The following NCAPH2 variants were observed in gnomAD, a reference collection of about 807,000 sequenced individuals.
NCAPH2 encodes non-SMC condensin II complex subunit H2.
A neutral mutation model predicts 88.6 loss-of-function variants in NCAPH2; 56 were observed. The observed-to-expected ratio is 0.63, with a 90% CI of 0.51 to 0.79. The LOEUF (loss-of-function observed/expected upper bound fraction) is 0.79. NCAPH2 is among the 30% of genes least tolerant of loss of function. The pLI, the probability that NCAPH2 is intolerant of heterozygous loss-of-function variation, is 0.00. For synonymous variants in NCAPH2, 378 were observed against 313.6 expected, an observed-to-expected ratio of 1.21 and a Z score of -2.17; for missense variants, 794 against 792.0, an observed-to-expected ratio of 1.00 and a Z score of -0.03.
chr22:50,516,522 G>C lies in NCAPH2; in HGVS notation c.184G>C (p.Gly62Arg), dbSNP rs1164810423. ...NFIEAALLIQ[G>R]SACVYSKKVE... Reference sequence around the variant, plus strand: ...CATTGAGGCAGCGTTGTTGATCCAGGGCTCTGCCTGCGTCTACAGTAAGAA... The same window carrying C: ...CATTGAGGCAGCGTTGTTGATCCAGCGCTCTGCCTGCGTCTACAGTAAGAA... Residue 62 changes from glycine (G) to arginine (R), a missense_variant, in exon 2 of 20, where the codon GGC (glycine) becomes CGC (arginine). This residue lies in a region of NCAPH2 where 59 missense variants were observed against 95.7 expected (regional missense o/e 0.62). Coordinates refer to ENST00000420993, the MANE Select transcript of NCAPH2 (RefSeq NM_152299.4). 8 of 1,614,068 alleles carry C rather than the reference G, an allele frequency of 5.0e-6. No homozygotes were observed. The highest frequency in any genetic ancestry group is 6.8e-6 in the Non-Finnish European group (8 of 1,180,042).
At chr22:50,509,899 C>T (rs528796074) in intron 1 of NCAPH2, among the ~76,000 whole-genome samples, 2 of 151,806 alleles carry the variant, frequency 1.3e-5, no homozygotes, top group African/African-American at 2.4e-5. Context: ...GCTTTCTGCC[C>T]CCACTTGGGA....
intron 1 of NCAPH2, among the ~76,000 whole-genome samples, chr22:50,514,747 T>C (rs1001315003): frequency 6.6e-6 from 1 of 152,194 alleles, no homozygotes; most frequent in Non-Finnish European, 1.5e-5. Context: ...TGCTGCTGTT[T>C]CCTCTCCCTT....
chr22:50,518,547 T>C, intron 7 of NCAPH2, 102 bp from the exon 8 acceptor site: 1 of 1,246,612 alleles, frequency 8.0e-7, no homozygotes, highest in East Asian at 2.6e-5. Flanking sequence ...TCTGCTGGTC[T>C]CTGCCCTCCT....
chr22:50,514,038 CGGA>C (rs2068853737), intron 1 of NCAPH2, among the ~76,000 whole-genome samples: 2 of 152,082 alleles, frequency 1.3e-5, no homozygotes, highest in Non-Finnish European at 2.9e-5. Flanking sequence ...ACCCAGGAGG[CGGA>C]GGTTGCAGTG....
In NCAPH2 at chr22:50,518,018, G is replaced by C. The variant is rs1172915853; in HGVS notation, c.466G>C (p.Asp156His). ...CCTGCCCATGGCCCTGGTGGCCCCT[G>C]ATGAAATGGAGAAGAACAACAATCC... ...PLLPMALVAPDEMEKNNNPLY... is the reference protein window; with the variant it reads ...PLLPMALVAPHEMEKNNNPLY... The change falls in exon 6 of 20, where the codon GAT becomes CAT. Residue 156 changes from aspartate (D) to histidine (H), a missense_variant. Asp to His is a moderately conservative substitution (Grantham distance 81). Around this residue, in one of 2 missense-constraint regions of NCAPH2, gnomAD observed 735 missense variants for 696.3 expected, o/e 1.06. Transcript: ENST00000420993. 6.2e-7 allele frequency: 1 copy of C among 1,613,912 alleles called. No homozygotes were observed.
Position 50,522,189 on chromosome 22 carries a change from G to A in NCAPH2, c.1171G>A (p.Val391Ile), listed in dbSNP as rs1393489709. 1.2e-6 allele frequency: 2 copies of A among 1,613,692 alleles called. No homozygotes were observed. The highest frequency in any genetic ancestry group is 1.7e-6 in the Non-Finnish European group (2 of 1,179,896). ...AAGGCCTTTGTCTGCAGACATGGAGGTCCTGTACTGGACACACGTGAAGGA... is the reference window on the plus strand; with the variant it reads ...AAGGCCTTTGTCTGCAGACATGGAGATCCTGTACTGGACACACGTGAAGGA... ...RKGPSFADME[V>I]LYWTHVKEQL... The change falls in exon 14 of 20, where the codon GTC becomes ATC. Residue 391 changes from valine (V) to isoleucine (I), a missense_variant. Val to Ile is a conservative substitution (Grantham distance 29). Coordinates refer to ENST00000420993, the MANE Select transcript of NCAPH2 (RefSeq NM_152299.4).
At chr22:50,519,087 C>T (rs2069008827) in intron 8 of NCAPH2, 103 bp from the exon 9 acceptor site, 4 of 1,161,862 alleles carry the variant, frequency 3.4e-6, no homozygotes, top group African/African-American at 1.6e-5. Flanking sequence ...ATCCTCTGGG[C>T]TCCGTGACTA....
intron 13 of NCAPH2, 61 bp downstream of exon 13, chr22:50,522,100 C>G: frequency 1.9e-6 from 3 of 1,612,906 alleles, no homozygotes; most frequent in Non-Finnish European, 1.7e-6. Flanking sequence ...CTTCCCCCAC[C>G]TGGTGTCACC....
chr22:50,511,699 G>A (rs1381136877), intron 1 of NCAPH2, among the ~76,000 whole-genome samples: 1 of 145,766 alleles, frequency 6.9e-6, no homozygotes, highest in African/African-American at 2.7e-5. Context: ...AAGTTGGAGT[G>A]CAGTGGCACA....
Position 50,524,017 on chromosome 22 carries a change from T to C in NCAPH2, c.*642T>C, listed in dbSNP as rs143676681. ...CTCGTCTGGGCAGATGTCAGGGCAG[T>C]GAGTGAAGCCAAAGTACATCAGCAC... On this transcript the variant is annotated 3_prime_UTR_variant, in exon 20 of 20. Coordinates refer to ENST00000420993, the MANE Select transcript of NCAPH2 (RefSeq NM_152299.4). 6.2e-7 allele frequency: 1 copy of C among 1,613,320 alleles called. No homozygotes were observed. The highest frequency in any genetic ancestry group is 8.5e-7 in the Non-Finnish European group (1 of 1,179,998).
chr22:50,521,717 AAGAC>A lies in NCAPH2; in HGVS notation c.1001-21_1001-18del. 1.2e-6 allele frequency: 2 copies of A among 1,613,424 alleles called. No individual in the cohort carries two copies. The highest frequency in any genetic ancestry group is 2.2e-5 in the East Asian group (1 of 44,878). On this transcript the variant is annotated intron_variant, in intron 11 of 19. Transcript: ENST00000420993. ...TGCACCCTGATCCCCCAGCGGCTCT[AAGAC>A]AGTCCCTGTTTGCCCCCAGGTAGGC... is the stretch of plus-strand genomic sequence containing the variant.
chr22:50,518,542 T>G, intron 7 of NCAPH2, 107 bp from the exon 8 acceptor site: 2 of 1,210,816 alleles, frequency 1.7e-6, no homozygotes, highest in Non-Finnish European at 2.3e-6. Context: ...TGGAGTCTGC[T>G]GGTCTCTGCC....
Position 50,517,500 on chromosome 22 carries a change from T to C in NCAPH2, c.266+18T>C. On this transcript the variant is annotated intron_variant, in intron 3 of 19. Coordinates refer to ENST00000420993, the MANE Select transcript of NCAPH2 (RefSeq NM_152299.4). ...GGAAAGAGGTGAGTTCTGCAGCCAC[T>C]CACTGTGCTGCCCTGCATGTGGCCA... is the stretch of plus-strand genomic sequence containing the variant. 1 of 1,614,004 alleles carries C rather than the reference T, an allele frequency of 6.2e-7. No individual in the cohort carries two copies. Among genetic ancestry groups the C allele is most frequent in the South Asian group, 1.1e-5 (1 of 91,080 alleles).
At position 50,524,194 on chromosome 22, in the gene NCAPH2, C is replaced by G. The variant is rs1038205427; in HGVS notation, c.*819C>G. On this transcript the variant is annotated 3_prime_UTR_variant, in exon 20 of 20. Coordinates refer to ENST00000420993, the MANE Select transcript of NCAPH2 (RefSeq NM_152299.4). ...CTCAGCCCTCAGGGCCAGCCAGGCCCCACCGAGTCCAGCCCCGAACAGGCC... is the reference window on the plus strand; with the variant it reads ...CTCAGCCCTCAGGGCCAGCCAGGCCGCACCGAGTCCAGCCCCGAACAGGCC... 6.2e-7 allele frequency: 1 copy of G among 1,608,856 alleles called. No individual in the cohort carries two copies. Among genetic ancestry groups the G allele is most frequent in the East Asian group, 2.2e-5 (1 of 44,880 alleles).
chr22:50,518,052 G>C lies in NCAPH2; in HGVS notation c.500G>C (p.Ser167Thr). The C allele has an allele frequency of 6.2e-7, 1 of 1,614,046 alleles. No individual in the cohort carries two copies. Reference sequence around the variant, plus strand: ...GAGAAGAACAACAATCCCCTGTACAGGTAGGGATCTGAGCCCAGCGACGGG... The same window carrying C: ...GAGAAGAACAACAATCCCCTGTACACGTAGGGATCTGAGCCCAGCGACGGG... ...EMEKNNNPLY[S>T]RQGEVLASRK... is the part of the protein sequence containing the mutation. Residue 167 changes from serine (S) to threonine (T), a missense_variant and splice_region_variant, in exon 6 of 20, where the codon AGC becomes ACC. By Grantham distance (58) the Ser-to-Thr change is moderately conservative (BLOSUM62 1). This residue lies in a region of NCAPH2 where 735 missense variants were observed against 696.3 expected (regional missense o/e 1.06). Transcript: ENST00000420993.
chr22:50,508,491 C>T, intron 1 of NCAPH2, 46 bp downstream of exon 1: 1 of 740,688 alleles, frequency 1.4e-6, no homozygotes, highest in East Asian at 4.8e-5. Flanking sequence ...GCGGGTGGGG[C>T]TGCGGGGCGG....
At position 50,522,183 on chromosome 22, in the gene NCAPH2, A is replaced by C; in HGVS notation, c.1165A>C (p.Met389Leu). 1 of 1,613,360 alleles carries C rather than the reference A, an allele frequency of 6.2e-7. No individual in the cohort carries two copies. Among genetic ancestry groups the C allele is most frequent in the Non-Finnish European group, 8.5e-7 (1 of 1,179,614 alleles). Reference sequence around the variant, plus strand: ...CCTCACAAGGCCTTTGTCTGCAGACATGGAGGTCCTGTACTGGACACACGT... The same window carrying C: ...CCTCACAAGGCCTTTGTCTGCAGACCTGGAGGTCCTGTACTGGACACACGT... The part of the protein sequence containing the change: ...LRRKGPSFAD[M>L]EVLYWTHVKE... Residue 389 changes from methionine to leucine, a missense_variant and splice_region_variant, in exon 14 of 20, where the codon ATG (methionine) becomes CTG (leucine). Around this residue, in one of 2 missense-constraint regions of NCAPH2, gnomAD observed 735 missense variants for 696.3 expected, o/e 1.06. Transcript: ENST00000420993.
At chr22:50,516,655 C>G in intron 2 of NCAPH2, 107 bp downstream of exon 2, 1 of 936,974 alleles carries the variant, frequency 1.1e-6, no homozygotes. Flanking sequence ...GACCTACCTC[C>G]CTCTCTCCTC....
intron 2 of NCAPH2, 24 bp downstream of exon 2, chr22:50,516,572 TTGGCATTTTGG>T (rs1189278438): frequency 1.9e-6 from 3 of 1,610,038 alleles, no homozygotes; most frequent in Non-Finnish European, 2.5e-6. Context: ...GACGCTGGTC[TTGGCATTTTGG>T]TGGCCAGTGG....
Sources: allele counts gnomAD v4.1 joint callset (sites outside exome capture counted in the v4.1 genomes callset), GRCh38; gene constraint gnomAD v4.1.1; regional missense constraint gnomAD v4.1.1; transcripts MANE v1.5; gene names NCBI Gene and HGNC (gene_info 2026-07-23, HGNC 2026-07-21).